The following BRWD3 variants were observed in gnomAD, a reference collection of about 807,000 sequenced individuals.
BRWD3 encodes bromodomain and WD repeat-containing protein 3.
In BRWD3, 10 loss-of-function variants were observed where a neutral mutation model predicts 149.7. The ratio of observed to expected loss-of-function variants is 0.07; its 90% confidence interval spans 0.04 to 0.11. The LOEUF (loss-of-function observed/expected upper bound fraction) is 0.11. Ranked by LOEUF, BRWD3 falls within the 10% of genes least tolerant of loss-of-function variation. The pLI, the probability that BRWD3 is intolerant of heterozygous loss-of-function variation, is 1.00. For missense variants in BRWD3, 940 were observed against 1,373.2 expected, an observed-to-expected ratio of 0.68 and a Z score of 4.99; for synonymous variants, 504 against 456.7, an observed-to-expected ratio of 1.10 and a Z score of -1.32.
intron 4 of BRWD3, among the ~76,000 whole-genome samples, chrX:80,795,443 A>G (rs2074227812): frequency 9.1e-6 from 1 of 109,566 alleles, no homozygotes; most frequent in South Asian, 3.8e-4. Flanking sequence ...ATATACACGT[A>G]TATGTATGTG....
chrX:80,765,472 T>C (rs1053577109), intron 6 of BRWD3, among the ~76,000 whole-genome samples: 5 of 111,852 alleles, frequency 4.5e-5, no homozygotes, highest in African/African-American at 1.6e-4. Context: ...ATTTCAGGAA[T>C]GAAGGTTTGG....
chrX:80,717,440 A>C, intron 19 of BRWD3, 133 bp downstream of exon 19: 5 of 601,233 alleles, frequency 8.3e-6, no homozygotes, highest in Middle Eastern at 3.4e-4. Context: ...CACTGGAATA[A>C]TATGGAAAAA....
chrX:80,711,666 C>T (rs1405809279), intron 20 of BRWD3, among the ~76,000 whole-genome samples: 1 of 112,085 alleles, frequency 8.9e-6, no homozygotes, highest in African/African-American at 3.2e-5. Context: ...ATGAGAATCT[C>T]GGTCTCTAAA....
intron 4 of BRWD3, among the ~76,000 whole-genome samples, chrX:80,802,933 G>A (rs1028298176): frequency 9.1e-6 from 1 of 109,911 alleles, no homozygotes; most frequent in Non-Finnish European, 1.9e-5. Context: ...GAGAAACCCC[G>A]TCTCTGCTAA....
chrX:80,676,701 C>T lies in BRWD3; in HGVS notation c.5317G>A (p.Asp1773Asn). 1 of 1,211,041 alleles carries T rather than the reference C, an allele frequency of 8.3e-7. No individual in the cohort carries two copies. Among genetic ancestry groups the T allele is most frequent in the Non-Finnish European group, 1.1e-6 (1 of 895,204 alleles). Residue 1773 changes from aspartate to asparagine, a missense_variant, in exon 41 of 41, where the codon GAT (aspartate) becomes AAT (asparagine). Physicochemically the swap from Asp to Asn is conservative, Grantham distance 23 (BLOSUM62 1). Coordinates refer to ENST00000373275, the MANE Select transcript of BRWD3 (RefSeq NM_153252.5). ...CTGGATGTACCAAGATTCAGAGGAT[C>T]CTCAGTGGACACAAAATTGTCATTA... Reference protein sequence around the residue: ...SDNDNFVSTEDPLNLGTSRSG... With the variant: ...SDNDNFVSTENPLNLGTSRSG...
In BRWD3 at chrX:80,809,443, G is replaced by A. The variant is rs1483520642; in HGVS notation, c.29C>T (p.Ala10Val). 1 of 1,167,344 alleles carries A rather than the reference G, an allele frequency of 8.6e-7. No homozygotes were observed. The highest frequency in any genetic ancestry group is 1.1e-6 in the Non-Finnish European group (1 of 870,538). ...CACCCCCCGACACAGCTACCCACCG[G>A]CTTCGATCTGGGTAGGTGCTGCCGC... MAAAPTQIE[A>V]ELYYLIARFL... The change falls in exon 1 of 41, where the codon GCC (alanine) becomes GTC (valine). Residue 10 changes from alanine to valine, a missense_variant and splice_region_variant. By Grantham distance (64) the Ala-to-Val change is moderately conservative. Around this residue, in one of 6 missense-constraint regions of BRWD3, gnomAD observed 105 missense variants for 127.7 expected, o/e 0.82. Coordinates refer to ENST00000373275, the MANE Select transcript of BRWD3 (RefSeq NM_153252.5).
intron 20 of BRWD3, chrX:80,709,856 A>G (rs755505269): frequency 3.7e-5 from 19 of 520,147 alleles, no homozygotes; most frequent in Non-Finnish European, 4.9e-5. Flanking sequence ...AACGCAGAGT[A>G]ATAGTTTAGG....
At chrX:80,678,918 T>C (rs888540595) in intron 40 of BRWD3, among the ~76,000 whole-genome samples, 1 of 111,665 alleles carries the variant, frequency 9.0e-6, no homozygotes, top group African/African-American at 3.3e-5. Context: ...AATGAGGTTA[T>C]ATGGGTGGGA....
chrX:80,781,100 C>T (rs2074051895), intron 6 of BRWD3, among the ~76,000 whole-genome samples: 1 of 111,878 alleles, frequency 8.9e-6, no homozygotes, highest in South Asian at 3.7e-4. Context: ...AAATTACAAG[C>T]TTACTATGTA....
In BRWD3 at chrX:80,745,626, C is replaced by T; in HGVS notation, c.534G>A (p.Gly178=). 1 of 1,209,887 alleles carries T rather than the reference C, an allele frequency of 8.3e-7. No individual in the cohort carries two copies. The highest frequency in any genetic ancestry group is 1.1e-6 in the Non-Finnish European group (1 of 894,478). ...QHIKMHKRIL[G]HLSSVYCVAF... ...CTACACAGTAGACAGATGACAAGTG[C>T]CCCAGAATTCTCTTATGCATCTTAA... Residue 178 remains glycine, a synonymous_variant, in exon 7 of 41, where the codon GGG becomes GGA. Transcript: ENST00000373275.
At chrX:80,717,804 C>T in intron 18 of BRWD3, 45 bp from the exon 19 acceptor site, 1 of 1,103,721 alleles carries the variant, frequency 9.1e-7, no homozygotes, top group Middle Eastern at 2.5e-4. Flanking sequence ...AGCAAAGGCA[C>T]CATAGTTTTC....
At chrX:80,738,291 G>A (rs915478489) in intron 8 of BRWD3, among the ~76,000 whole-genome samples, 20 of 111,294 alleles carry the variant, frequency 1.8e-4, no homozygotes, top group African/African-American at 5.9e-4. Flanking sequence ...ATCAGGTTAC[G>A]GATTGTTTAA....
rs1166079482 is a variant in BRWD3, at chrX:80,725,050, T to C, written c.1404A>G (p.Val468=). ...CAAATGGATGGGCTTCTAGAACGAA[T>C]ACTTCATCATCATGTCCCTATAATA... ...LHTLSGHDDE[V]FVLEAHPFDQ... Residue 468 remains valine, a synonymous_variant, in exon 15 of 41, where the codon GTA becomes GTG. Coordinates refer to ENST00000373275, the MANE Select transcript of BRWD3 (RefSeq NM_153252.5). The C allele has an allele frequency of 1.7e-6, 2 of 1,208,236 alleles. No individual in the cohort carries two copies.
intron 6 of BRWD3, among the ~76,000 whole-genome samples, chrX:80,768,169 CAGG>C (rs1274955007): frequency 9.0e-6 from 1 of 111,408 alleles, no homozygotes; most frequent in Admixed American, 9.6e-5. Context: ...GGATATTTTC[CAGG>C]AGAACTTCCC....
intron 6 of BRWD3, among the ~76,000 whole-genome samples, chrX:80,773,152 A>G (rs779725033): frequency 8.9e-6 from 1 of 112,146 alleles, no homozygotes; most frequent in East Asian, 2.8e-4. Flanking sequence ...AAACTTCTTT[A>G]TCTTGACTGT....
At chrX:80,681,885 T>A (rs2072452570) in intron 39 of BRWD3, 112 bp downstream of exon 39, 3 of 710,435 alleles carry the variant, frequency 4.2e-6, no homozygotes, top group African/African-American at 2.1e-5. Context: ...GCACAACTTT[T>A]AAAAATCTAA....
At chrX:80,806,657 A>T (rs2074350570) in intron 4 of BRWD3, among the ~76,000 whole-genome samples, 1 of 112,337 alleles carries the variant, frequency 8.9e-6, no homozygotes, top group African/African-American at 3.2e-5. Flanking sequence ...ATTAGTAAAA[A>T]TCTGGAAGTA....
At chrX:80,766,483 T>A (rs2073859500) in intron 6 of BRWD3, among the ~76,000 whole-genome samples, 1 of 111,485 alleles carries the variant, frequency 9.0e-6, no homozygotes, top group African/African-American at 3.3e-5. Flanking sequence ...AAAACCACAA[T>A]GAGATATTTC....
intron 20 of BRWD3, among the ~76,000 whole-genome samples, chrX:80,714,066 A>G: frequency 9.0e-6 from 1 of 111,342 alleles, no homozygotes; most frequent in Middle Eastern, 4.6e-3. Context: ...GAAAACCTAC[A>G]TTGTGCAGAG....
Sources: gnomAD v4.1 joint callset for allele counts (sites outside exome capture counted in the v4.1 genomes callset) on GRCh38, gnomAD v4.1.1 for gene constraint, gnomAD v4.1.1 regional missense constraint, MANE v1.5 for transcripts, NCBI Gene and HGNC (gene_info 2026-07-23, HGNC 2026-07-21) for gene names.